OARD1: variants seen among roughly 807,000 people sequenced by gnomAD.
OARD1 encodes ADP-ribose glycohydrolase OARD1.
In OARD1, 19 loss-of-function variants were observed where a neutral mutation model predicts 19.7. The ratio of observed to expected loss-of-function variants is 0.96; its 90% CI spans 0.67 to 1.41. The LOEUF is 1.41. OARD1 is among the 40% of genes most tolerant of loss of function. The pLI, the probability that OARD1 is intolerant of heterozygous loss-of-function variation, is 0.00. For missense variants in OARD1, 190 were observed against 183.8 expected (o/e 1.03, Z -0.20); for synonymous variants, 70 against 61.8 (o/e 1.13, Z -0.62).
chr6:41,073,996 C>A (rs1763647525), upstream of OARD1, among the ~76,000 whole-genome samples: 8 of 151,516 alleles, frequency 5.3e-5, no homozygotes. Flanking sequence ...AGATTGATAC[C>A]CTTGCGCATT....
At chr6:41,092,822 T>G in intron 1 of OARD1, 1 of 1,399,986 alleles carries the variant, frequency 7.1e-7, no homozygotes, top group African/African-American at 1.4e-5. Flanking sequence ...TTGTGGCATT[T>G]ACAAAAAAAA....
At position 41,065,598 on chromosome 6, in the gene OARD1, T is replaced by G. The variant is rs935208769; in HGVS notation, c.*1737A>C. The G allele has an allele frequency of 2.6e-5, 4 of 152,232 alleles. No individual in the cohort carries two copies. Among genetic ancestry groups the G allele is most frequent in the African/African-American group, 4.8e-5 (2 of 41,464 alleles). 9.4% of individuals were successfully genotyped at this position (152,232 alleles called of 1,614,324 possible). A position where few individuals can be genotyped will look rare whatever the true frequency, so the allele number is the denominator to read the frequency against. On this transcript the variant is annotated 3_prime_UTR_variant, in exon 6 of 6. Coordinates refer to ENST00000424266, the MANE Select transcript of OARD1 (RefSeq NM_001329686.2). ...TCAAGAAAAGCCTCAATCTAAAAGT[T>G]TGATAATGAACTTGACCCTCCACTG...
rs529411165 is a variant in OARD1, at chr6:41,067,385, C to T, written c.409G>A (p.Glu137Lys). The T allele has an allele frequency of 5.5e-5, 89 of 1,613,710 alleles. No homozygotes were observed. In the South Asian group the frequency reaches 7.2e-4, roughly 13 times the overall value. ...LQWENVSAMI[E>K]EVFEATDIKI... ...ATGTCTGTTGCCTCAAATACCTCCT[C>T]GATCATCGCAGATACATTTTCCCAT... The change falls in exon 6 of 6, where the codon GAG (glutamate) becomes AAG (lysine). Residue 137 changes from glutamate to lysine, a missense_variant. By Grantham distance (56) the Glu-to-Lys change is moderately conservative. Transcript: ENST00000424266.
chr6:41,091,420 T>C, intron 1 of OARD1: 2 of 1,067,588 alleles, frequency 1.9e-6, no homozygotes, highest in South Asian at 1.6e-5. Context: ...CAGTGTGTTT[T>C]GCCAGGATCG....
intron 1 of OARD1, among the ~76,000 whole-genome samples, chr6:41,092,447 T>G (rs1307359364): frequency 6.6e-6 from 1 of 152,238 alleles, no homozygotes; most frequent in Non-Finnish European, 1.5e-5. Flanking sequence ...AGCTGTGGGG[T>G]ACAGGACTCT....
intron 1 of OARD1, among the ~76,000 whole-genome samples, chr6:41,096,632 T>C (rs973450246): frequency 5.9e-5 from 9 of 152,230 alleles, no homozygotes; most frequent in Non-Finnish European, 8.8e-5. Context: ...CTTTCAGCTT[T>C]TTCTCAGATC....
At chr6:41,069,506 C>G (rs549220217) in intron 4 of OARD1, 1 of 163,620 alleles carries the variant, frequency 6.1e-6, no homozygotes, top group Non-Finnish European at 1.3e-5. Context: ...CCAGATCAGG[C>G]TTGTAGTGGG....
chr6:41,092,752 C>A (rs535027815), intron 1 of OARD1, among the ~76,000 whole-genome samples: 47 of 152,214 alleles, frequency 3.1e-4, no homozygotes, highest in Admixed American at 1.5e-3. Flanking sequence ...AAGTGCAGAT[C>A]TTTAGTATAA....
At chr6:41,097,277 TG>T (rs1436581445) in intron 1 of OARD1, 9 of 1,295,952 alleles carry the variant, frequency 6.9e-6, no homozygotes, top group Non-Finnish European at 8.9e-6. Context: ...TGTATTCTCT[TG>T]GGGGGATAAG....
chr6:41,077,107 G>A (rs1310258048), upstream of OARD1, among the ~76,000 whole-genome samples: 1 of 152,282 alleles, frequency 6.6e-6, no homozygotes, highest in East Asian at 1.9e-4. Flanking sequence ...GTCTTGTAAA[G>A]ATGTAAACTT....
chr6:41,094,089 C>T (rs778334531), intron 1 of OARD1, among the ~76,000 whole-genome samples: 6 of 152,030 alleles, frequency 3.9e-5, no homozygotes, highest in Non-Finnish European at 8.8e-5. Flanking sequence ...TTTGCTCAAA[C>T]GAAATTTGGC....
intron 1 of OARD1, among the ~76,000 whole-genome samples, chr6:41,081,944 A>G (rs1411723945): frequency 6.6e-6 from 1 of 152,214 alleles, no homozygotes; most frequent in Non-Finnish European, 1.5e-5. Context: ...GCCAGTTCCT[A>G]TAAAACACAG....
In OARD1 at chr6:41,065,072, C is replaced by T. The variant is rs916218623; in HGVS notation, c.*2263G>A. On this transcript the variant is annotated 3_prime_UTR_variant, in exon 6 of 6. Transcript: ENST00000424266. ...TCCTCAGGCTTCAAGTGTGATAAGT[C>T]GTCGGAATTTGACCCAAGACTACTA... is the stretch of plus-strand genomic sequence containing the variant. 1 of 152,054 alleles carries T rather than the reference C, an allele frequency of 6.6e-6. No individual in the cohort carries two copies. The highest frequency in any genetic ancestry group is 2.4e-5 in the African/African-American group (1 of 41,392). The allele number at this position is 152,054 out of a possible 1,614,324, so 9.4% of individuals were successfully genotyped here. A position where few individuals can be genotyped will look rare whatever the true frequency, so the allele number is the denominator to read the frequency against.
chr6:41,086,707 A>AT (rs1764054770), intron 1 of OARD1, among the ~76,000 whole-genome samples: 1 of 152,182 alleles, frequency 6.6e-6, no homozygotes, highest in South Asian at 2.1e-4. Context: ...CCTGAGAAAG[A>AT]TACTGGAACC....
At chr6:41,095,549 G>C (rs1764326157) in intron 1 of OARD1, among the ~76,000 whole-genome samples, 1 of 152,050 alleles carries the variant, frequency 6.6e-6, no homozygotes, top group Non-Finnish European at 1.5e-5. Flanking sequence ...TCCCACTTTA[G>C]GCTCCCGAGT....
At chr6:41,076,598 AGAG>A, upstream of OARD1, among the ~76,000 whole-genome samples, 1 of 152,214 alleles carries the variant, frequency 6.6e-6, no homozygotes. Flanking sequence ...AGTGGGGCAA[AGAG>A]AATTGCACTG....
At chr6:41,088,423 C>CA (rs34590854) in intron 1 of OARD1, among the ~76,000 whole-genome samples, 4,335 of 64,040 alleles carry the variant, frequency 0.068, 121 homozygotes, top group Middle Eastern at 0.088. Context: ...ACTCCGTCTC[C>CA]AAAAAAAAAA....
intron 1 of OARD1, among the ~76,000 whole-genome samples, chr6:41,078,333 C>T (rs1763797090): frequency 6.6e-6 from 1 of 152,170 alleles, no homozygotes; most frequent in Admixed American, 6.5e-5. Flanking sequence ...CGATAATGAG[C>T]AGCTCAGTTA....
In OARD1 at chr6:41,091,813, G is replaced by A. The variant is rs907475049; in HGVS notation, c.-42+5900C>T. 226 of 1,086,958 alleles carry A rather than the reference G, an allele frequency of 2.1e-4. 1 individual carries two copies. The highest frequency in any genetic ancestry group is 2.2e-4 in the Non-Finnish European group (165 of 759,528). 67.3% of individuals were successfully genotyped at this position (1,086,958 alleles called of 1,614,324 possible). A position where few individuals can be genotyped will look rare whatever the true frequency, so the allele number is the denominator to read the frequency against. ...TGAGATCGATCCTTAAGGCACTGTCGGTAATCTACTTTGACAATAACATTA... is the reference window on the plus strand; with the variant it reads ...TGAGATCGATCCTTAAGGCACTGTCAGTAATCTACTTTGACAATAACATTA... On this transcript the variant is annotated intron_variant, in intron 1 of 4. Coordinates refer to the OARD1 transcript ENST00000480585.
Sources: allele counts gnomAD v4.1 joint callset (sites outside exome capture counted in the v4.1 genomes callset), GRCh38; gene constraint gnomAD v4.1.1; transcripts MANE v1.5; gene names NCBI Gene and HGNC (gene_info 2026-07-23, HGNC 2026-07-21).